FER: variants seen among roughly 807,000 people sequenced by gnomAD.
FER encodes the protein FER tyrosine kinase, also known as tyrosine-protein kinase Fer.
A neutral mutation model predicts 111.0 loss-of-function variants in FER; 63 were observed. That is an observed-to-expected ratio of 0.57 (90% CI 0.46 to 0.70). The LOEUF (loss-of-function observed/expected upper bound fraction) is 0.70. Ranked by LOEUF, FER falls within the 30% of genes least tolerant of loss-of-function variation. The pLI is 0.00. For synonymous variants in FER, 327 were observed against 313.9 expected (o/e 1.04, Z -0.44); for missense variants, 914 against 954.0 (o/e 0.96, Z 0.55).
intron 8 of FER, among the ~76,000 whole-genome samples, chr5:108,883,004 G>A (rs1039936513): frequency 2.0e-5 from 3 of 151,848 alleles, no homozygotes; most frequent in African/African-American, 4.8e-5. Context: ...TCATAAGATT[G>A]TTGTGAAGAG....
chr5:108,879,701 A>AAAATATATATATATATATAT, intron 8 of FER, among the ~76,000 whole-genome samples: 19 of 99,094 alleles, frequency 1.9e-4, no homozygotes, highest in African/African-American at 7.7e-4. Flanking sequence ...ATTAAAAAAA[A>AAAATATATATATATATATAT]ATATATATAT....
At chr5:108,952,609 A>G (rs1757919527) in intron 11 of FER, among the ~76,000 whole-genome samples, 1 of 138,982 alleles carries the variant, frequency 7.2e-6, no homozygotes, top group South Asian at 2.6e-4. Context: ...TAAGAAGCCT[A>G]TAGAATTGAA....
intron 17 of FER, among the ~76,000 whole-genome samples, chr5:109,100,814 G>A (rs1748133458): frequency 6.6e-6 from 1 of 151,716 alleles, no homozygotes; most frequent in Non-Finnish European, 1.5e-5. Context: ...AGTAATATAA[G>A]AAACTACAGC....
chr5:108,795,948 A>T (rs1456219699), intron 2 of FER, among the ~76,000 whole-genome samples: 1 of 152,156 alleles, frequency 6.6e-6, no homozygotes, highest in Non-Finnish European at 1.5e-5. Flanking sequence ...GAGTCTGTAC[A>T]TTCGAGAGTT....
intron 13 of FER, among the ~76,000 whole-genome samples, chr5:108,980,963 T>A (rs945990476): frequency 6.6e-6 from 1 of 151,876 alleles, no homozygotes; most frequent in Non-Finnish European, 1.5e-5. Context: ...TTTGGTAGGG[T>A]TTTTTAGAGA....
At chr5:108,870,654 A>T (rs894692648) in intron 6 of FER, among the ~76,000 whole-genome samples, 34 of 152,296 alleles carry the variant, frequency 2.2e-4, no homozygotes, top group African/African-American at 7.9e-4. Flanking sequence ...GGTGGAAAAG[A>T]AAAACCATGC....
intron 13 of FER, among the ~76,000 whole-genome samples, chr5:108,965,598 A>G (rs1046097524): frequency 3.3e-5 from 5 of 152,190 alleles, no homozygotes; most frequent in African/African-American, 7.2e-5. Context: ...CTCAGACATT[A>G]TAATTTACCC....
chr5:108,807,165 T>C (rs1364098547), intron 3 of FER, among the ~76,000 whole-genome samples: 1 of 152,206 alleles, frequency 6.6e-6, no homozygotes, highest in Middle Eastern at 3.2e-3. Flanking sequence ...AGCTCTCTTT[T>C]TGCTTGCCGC....
At chr5:109,017,253 A>G (rs1436008917) in intron 13 of FER, among the ~76,000 whole-genome samples, 1 of 152,020 alleles carries the variant, frequency 6.6e-6, no homozygotes, top group African/African-American at 2.4e-5. Flanking sequence ...ATATCCCTAG[A>G]TTTATTCAAA....
intron 16 of FER, among the ~76,000 whole-genome samples, chr5:109,066,104 T>C (rs1455507083): frequency 4.6e-5 from 7 of 152,338 alleles, no homozygotes; most frequent in Middle Eastern, 3.4e-3. Context: ...TAGAATCTGT[T>C]TTTTTAAGAC....
At chr5:108,992,364 A>C (rs1008616959) in intron 13 of FER, among the ~76,000 whole-genome samples, 6 of 152,146 alleles carry the variant, frequency 3.9e-5, no homozygotes, top group African/African-American at 7.2e-5. Flanking sequence ...CATTGTCATC[A>C]TGGCCCGTTC....
chr5:108,883,639 G>T, intron 9 of FER, 121 bp downstream of exon 9: 1 of 880,186 alleles, frequency 1.1e-6, no homozygotes, highest in Non-Finnish European at 1.6e-6. Context: ...TTTTAAGTAT[G>T]AAGTTTTGTA....
intron 13 of FER, among the ~76,000 whole-genome samples, chr5:108,981,047 G>A (rs1311942469): frequency 6.6e-6 from 1 of 152,072 alleles, no homozygotes; most frequent in African/African-American, 2.4e-5. Flanking sequence ...CCTTCAATTT[G>A]TAAGAAATAT....
intron 5 of FER, among the ~76,000 whole-genome samples, chr5:108,843,585 A>G (rs1006423050): frequency 6.8e-6 from 1 of 146,946 alleles, no homozygotes; most frequent in South Asian, 2.2e-4. Context: ...GCTGGAGTGC[A>G]GTGGTGTGAT....
At chr5:108,932,870 T>G (rs1020544328) in intron 10 of FER, among the ~76,000 whole-genome samples, 1 of 147,806 alleles carries the variant, frequency 6.8e-6, no homozygotes, top group Non-Finnish European at 1.5e-5. Flanking sequence ...TTTTTTTTTT[T>G]GATGGGGTTG....
rs1269039204 is a variant in FER at position 109,134,925 on chromosome 5, G to A, written c.2048+34406G>A. Among the ~76,000 whole-genome samples the A allele has an allele frequency of 2.0e-5, 3 of 152,150 alleles. No homozygotes were observed. In the East Asian group the frequency reaches 5.8e-4, roughly 29 times the overall value. ...AACCAACAGTCTTTAAACAGCAGAT[G>A]TGTCTCCCATGAGATTGTGATCTTC... On this transcript the variant is annotated intron_variant, in intron 17 of 19. Transcript: ENST00000281092.
intron 3 of FER, among the ~76,000 whole-genome samples, chr5:108,832,042 T>C (rs948609206): frequency 3.9e-5 from 6 of 152,182 alleles, no homozygotes; most frequent in Admixed American, 2.6e-4. Flanking sequence ...GCAGTTTCCA[T>C]ATGCCCACTG....
intron 14 of FER, 28 bp from the exon 15 acceptor site, chr5:109,044,652 C>A: frequency 8.5e-7 from 1 of 1,171,046 alleles, no homozygotes; most frequent in Non-Finnish European, 1.2e-6. Flanking sequence ...TCATTTACCC[C>A]AGACAATGAA....
chr5:108,985,972 C>A (rs1762525752), intron 13 of FER, among the ~76,000 whole-genome samples: 1 of 152,202 alleles, frequency 6.6e-6, no homozygotes, highest in Admixed American at 6.5e-5. Flanking sequence ...ATTGCTGGAT[C>A]AAATGGTAGT....
Sources: allele counts gnomAD v4.1 joint callset (sites outside exome capture counted in the v4.1 genomes callset), GRCh38; gene constraint gnomAD v4.1.1; transcripts MANE v1.5; gene names NCBI Gene and HGNC (gene_info 2026-07-23, HGNC 2026-07-21).